The following INPP5F variants were observed in gnomAD, a reference collection of about 807,000 sequenced individuals.
The protein encoded by INPP5F is inositol polyphosphate-5-phosphatase F.
INPP5F carries 97 observed loss-of-function variants against 137.2 expected under a neutral mutation model. The observed-to-expected ratio is 0.71, with a 90% CI of 0.60 to 0.84. The LOEUF (loss-of-function observed/expected upper bound fraction) is 0.84. Ranked by LOEUF, INPP5F falls within the 40% of genes least tolerant of loss-of-function variation. The probability of loss-of-function intolerance (pLI) is 0.00; values close to 1 mark genes in which losing one functional copy is unlikely to be tolerated. For missense variants in INPP5F, 1,271 were observed against 1,371.9 expected (o/e 0.93, Z 1.16); for synonymous variants, 504 against 476.9 (o/e 1.06, Z -0.74).
intron 13 of INPP5F, 90 bp from the exon 14 acceptor site, chr10:119,810,010 G>A (rs560554896): frequency 4.0e-6 from 3 of 747,266 alleles, no homozygotes; most frequent in South Asian, 3.2e-5. Flanking sequence ...AAAGCCTGTA[G>A]AATTCTAGAC....
intron 1 of INPP5F, among the ~76,000 whole-genome samples, chr10:119,731,666 A>G (rs1322576367): frequency 6.6e-6 from 1 of 152,224 alleles, no homozygotes; most frequent in Non-Finnish European, 1.5e-5. Flanking sequence ...TGTCTCAGAA[A>G]AAAATATTGT....
At chr10:119,774,544 G>T (rs1849461418) in intron 2 of INPP5F, among the ~76,000 whole-genome samples, 1 of 150,896 alleles carries the variant, frequency 6.6e-6, no homozygotes, top group Non-Finnish European at 1.5e-5. Flanking sequence ...ATTTTGCCCA[G>T]GCTGATCTTG....
At chr10:119,781,022 C>T (rs1849682255) in intron 2 of INPP5F, among the ~76,000 whole-genome samples, 1 of 152,158 alleles carries the variant, frequency 6.6e-6, no homozygotes, top group Non-Finnish European at 1.5e-5. Context: ...AGGAATCCTT[C>T]CTTATTAATT....
chr10:119,819,573 A>G (rs147420780), intron 15 of INPP5F: 1 of 1,558,026 alleles, frequency 6.4e-7, no homozygotes, highest in South Asian at 1.2e-5. Flanking sequence ...AACATTTTAC[A>G]GTGTTATTTG....
chr10:119,795,302 A>G (rs1419158281), intron 6 of INPP5F, among the ~76,000 whole-genome samples: 19 of 148,832 alleles, frequency 1.3e-4, no homozygotes, highest in Non-Finnish European at 2.8e-4. Flanking sequence ...CCAGGCGGAG[A>G]CGCTCCTCAC....
intron 15 of INPP5F, among the ~76,000 whole-genome samples, chr10:119,813,396 C>CA (rs1851123276): frequency 6.6e-6 from 1 of 152,048 alleles, no homozygotes. Flanking sequence ...CCTATAACCC[C>CA]AGCACTTTGG....
chr10:119,771,708 C>T (rs1849341308), intron 2 of INPP5F, among the ~76,000 whole-genome samples: 2 of 151,308 alleles, frequency 1.3e-5, no homozygotes, highest in South Asian at 4.2e-4. Context: ...TGATGCATCT[C>T]CAACACTAAG....
chr10:119,798,659 AC>A, intron 9 of INPP5F, 49 bp downstream of exon 9: 1 of 1,317,214 alleles, frequency 7.6e-7, no homozygotes, highest in South Asian at 1.2e-5. Flanking sequence ...TTTAGAAATA[AC>A]TTTTTCTTTA....
At chr10:119,789,505 A>G (rs539753626) in intron 3 of INPP5F, among the ~76,000 whole-genome samples, 4 of 151,914 alleles carry the variant, frequency 2.6e-5, no homozygotes, top group African/African-American at 4.8e-5. Context: ...GGTGTGTACA[A>G]TGTGTTCATG....
At chr10:119,786,480 A>G (rs1849921302) in intron 3 of INPP5F, among the ~76,000 whole-genome samples, 2 of 152,222 alleles carry the variant, frequency 1.3e-5, no homozygotes, top group South Asian at 2.1e-4. Context: ...GTAGTGCTCT[A>G]TACTTTATTT....
At chr10:119,730,834 C>G (rs1848040759) in intron 1 of INPP5F, among the ~76,000 whole-genome samples, 2 of 151,170 alleles carry the variant, frequency 1.3e-5, no homozygotes, top group Admixed American at 1.3e-4. Context: ...TGTTGCCAGG[C>G]TGGAGTGCAG....
intron 2 of INPP5F, among the ~76,000 whole-genome samples, chr10:119,777,399 G>A (rs768081093): frequency 1.1e-4 from 16 of 152,150 alleles, no homozygotes; most frequent in Non-Finnish European, 1.9e-4. Flanking sequence ...GGTGGCGGGC[G>A]CCTGTAGTCC....
intron 2 of INPP5F, among the ~76,000 whole-genome samples, chr10:119,765,878 T>TAG (rs1359348122): frequency 3.5e-5 from 1 of 28,352 alleles, no homozygotes; most frequent in Admixed American, 4.5e-4. Flanking sequence ...TATATATATA[T>TAG]ATAGAGAGAG....
chr10:119,744,952 T>G (rs1848487996), intron 1 of INPP5F, among the ~76,000 whole-genome samples: 2 of 152,184 alleles, frequency 1.3e-5, no homozygotes, highest in South Asian at 4.1e-4. Flanking sequence ...GACTATTGTT[T>G]TTAGTCATTA....
chr10:119,754,050 C>G (rs916886394), intron 2 of INPP5F, among the ~76,000 whole-genome samples: 7 of 152,186 alleles, frequency 4.6e-5, no homozygotes, highest in African/African-American at 7.2e-5. Context: ...CACCCTTAGC[C>G]TCAAGCCAGC....
chr10:119,792,951 A>G (rs572504117), intron 6 of INPP5F, among the ~76,000 whole-genome samples: 1 of 152,228 alleles, frequency 6.6e-6, no homozygotes, highest in African/African-American at 2.4e-5. Flanking sequence ...GGTGGTTAGT[A>G]TCAATGATTT....
At position 119,828,872 on chromosome 10, in the gene INPP5F, T is replaced by C. The variant is rs539901760; in HGVS notation, c.*1092T>C. 6.6e-6 allele frequency: 1 copy of C among 152,648 alleles called. No homozygotes were observed. Among genetic ancestry groups the C allele is most frequent in the South Asian group, 2.1e-4 (1 of 4,828 alleles). 9.5% of individuals were successfully genotyped at this position (152,648 alleles called of 1,614,324 possible). On this transcript the variant is annotated 3_prime_UTR_variant, in exon 20 of 20. Transcript: ENST00000650623. ...AAAAACAATTTAGTCTGAAACACAA[T>C]TGTGCTGAATCTGTCTGACTATAAC...
At chr10:119,743,362 T>A (rs1345370393) in intron 1 of INPP5F, among the ~76,000 whole-genome samples, 1 of 152,186 alleles carries the variant, frequency 6.6e-6, no homozygotes, top group Non-Finnish European at 1.5e-5. Context: ...TAAGTGAGCT[T>A]CCTCTTCCTC....
chr10:119,819,524 A>G, intron 15 of INPP5F: 1 of 1,604,958 alleles, frequency 6.2e-7, no homozygotes, highest in Non-Finnish European at 8.5e-7. Context: ...CTCAAGCAAC[A>G]ATTTTCAGAG....
Sources: gnomAD v4.1 joint callset for allele counts (sites outside exome capture counted in the v4.1 genomes callset) on GRCh38, gnomAD v4.1.1 for gene constraint, MANE v1.5 for transcripts, NCBI Gene and HGNC (gene_info 2026-07-23, HGNC 2026-07-21) for gene names.